RAP1GDS1: variants seen among roughly 807,000 people sequenced by gnomAD.
RAP1GDS1 encodes Rap1 GTPase-GDP dissociation stimulator 1.
In RAP1GDS1, 35 loss-of-function variants were observed where a neutral mutation model predicts 71.1. That is an observed-to-expected ratio of 0.49 (90% confidence interval 0.38 to 0.65). The LOEUF (loss-of-function observed/expected upper bound fraction) is 0.65. Among genes scored for constraint, RAP1GDS1 ranks in the 30% least tolerant of loss-of-function variants. RAP1GDS1 has a pLI of 0.00. For synonymous variants in RAP1GDS1, 229 were observed against 243.1 expected (o/e 0.94, Z 0.54); for missense variants, 663 against 706.1 (o/e 0.94, Z 0.69).
intron 6 of RAP1GDS1, among the ~76,000 whole-genome samples, chr4:98,393,166 T>C (rs1463402268): frequency 2.0e-5 from 3 of 152,352 alleles, no homozygotes; most frequent in Non-Finnish European, 2.9e-5. Flanking sequence ...CCACATTCTA[T>C]AAATAAAAGC....
chr4:98,342,889 ACTT>A (rs1247077217), intron 2 of RAP1GDS1, among the ~76,000 whole-genome samples: 3 of 152,206 alleles, frequency 2.0e-5, no homozygotes, highest in Admixed American at 6.5e-5. Context: ...TTCAGAAAGA[ACTT>A]CTTTATAGTC....
intron 4 of RAP1GDS1, among the ~76,000 whole-genome samples, chr4:98,363,851 G>GT (rs1739110606): frequency 2.0e-5 from 3 of 152,160 alleles, no homozygotes; most frequent in Admixed American, 2.0e-4. Context: ...CTTGGATTAA[G>GT]TTATGGTAGT....
At chr4:98,380,755 T>G (rs745541026) in intron 5 of RAP1GDS1, among the ~76,000 whole-genome samples, 2 of 151,792 alleles carry the variant, frequency 1.3e-5, no homozygotes, top group Non-Finnish European at 2.9e-5. Context: ...GCTTGGACAT[T>G]TGAGGAAGTA....
At chr4:98,392,171 T>C in intron 6 of RAP1GDS1, 91 bp downstream of exon 6, 1 of 1,215,600 alleles carries the variant, frequency 8.2e-7, no homozygotes. Flanking sequence ...TAGAAATCCA[T>C]TTAGATTGTA....
Position 98,442,523 on chromosome 4 carries a change from T to C in RAP1GDS1, c.*406T>C, listed in dbSNP as rs534692474. ...CTAGCTTATTAAAGATGAAACTGAA[T>C]TGGAAAAATAGCTCCATTTTTTGGT... is the stretch of plus-strand genomic sequence containing the variant. On this transcript the variant is annotated 3_prime_UTR_variant, in exon 15 of 15. Coordinates refer to ENST00000408927, the MANE Select transcript of RAP1GDS1 (RefSeq NM_001100427.2). 1 of 229,388 alleles carries C rather than the reference T, an allele frequency of 4.4e-6. No homozygotes were observed. Among genetic ancestry groups the C allele is most frequent in the South Asian group, 1.8e-4 (1 of 5,476 alleles). The allele number at this position is 229,388 out of a possible 1,614,324, so 14.2% of individuals were successfully genotyped here. A position where few individuals can be genotyped will look rare whatever the true frequency, so the allele number is the denominator to read the frequency against.
chr4:98,407,916 T>G (rs1746387761), intron 7 of RAP1GDS1, among the ~76,000 whole-genome samples: 1 of 152,084 alleles, frequency 6.6e-6, no homozygotes, highest in South Asian at 2.1e-4. Flanking sequence ...AAACATATAA[T>G]TACTACAGTT....
intron 2 of RAP1GDS1, among the ~76,000 whole-genome samples, chr4:98,296,379 T>C (rs1360585898): frequency 6.6e-6 from 1 of 152,108 alleles, no homozygotes; most frequent in Non-Finnish European, 1.5e-5. Flanking sequence ...TGTATGGCTT[T>C]AGAGTGGTTT....
intron 1 of RAP1GDS1, among the ~76,000 whole-genome samples, chr4:98,280,730 T>G (rs1453558827): frequency 6.6e-6 from 1 of 152,236 alleles, no homozygotes; most frequent in Non-Finnish European, 1.5e-5. Context: ...TTCTAGAGTT[T>G]TTATGGTTTT....
At chr4:98,320,267 A>G (rs1731613158) in intron 2 of RAP1GDS1, among the ~76,000 whole-genome samples, 1 of 152,164 alleles carries the variant, frequency 6.6e-6, no homozygotes, top group African/African-American at 2.4e-5. Context: ...AATCCAACAC[A>G]TATACTTACT....
At chr4:98,390,820 TG>T (rs1350721453) in intron 5 of RAP1GDS1, among the ~76,000 whole-genome samples, 2 of 152,180 alleles carry the variant, frequency 1.3e-5, no homozygotes, top group African/African-American at 4.8e-5. Flanking sequence ...AAGAAAGTTT[TG>T]TCTTTAGATT....
chr4:98,347,594 T>C (rs532749280), intron 3 of RAP1GDS1, among the ~76,000 whole-genome samples: 5 of 152,370 alleles, frequency 3.3e-5, no homozygotes, highest in African/African-American at 1.2e-4. Flanking sequence ...TCCTGCTTTC[T>C]ACAGCATAAT....
chr4:98,407,839 AT>A (rs1380408919), intron 7 of RAP1GDS1, among the ~76,000 whole-genome samples: 3 of 151,424 alleles, frequency 2.0e-5, no homozygotes, highest in South Asian at 4.2e-4. Context: ...TTTAAAAAAA[AT>A]AATAATAAGC....
intron 1 of RAP1GDS1, among the ~76,000 whole-genome samples, chr4:98,272,865 G>A (rs1476091577): frequency 1.3e-5 from 2 of 152,096 alleles, no homozygotes; most frequent in East Asian, 1.9e-4. Context: ...TTGTTGTTGC[G>A]TAGGATGAGA....
chr4:98,422,103 G>A (rs1207475009), intron 12 of RAP1GDS1, among the ~76,000 whole-genome samples: 1 of 151,954 alleles, frequency 6.6e-6, no homozygotes, highest in African/African-American at 2.4e-5. Context: ...GGGAGGCTGA[G>A]GCAGGAGAAT....
intron 10 of RAP1GDS1, 143 bp from the exon 11 acceptor site, chr4:98,419,876 A>G: frequency 2.2e-6 from 2 of 891,924 alleles, no homozygotes; most frequent in African/African-American, 3.4e-5. Context: ...CATTCTTAAA[A>G]TTGACAAAAA....
intron 12 of RAP1GDS1, among the ~76,000 whole-genome samples, chr4:98,425,837 A>G (rs1366410778): frequency 6.6e-6 from 1 of 152,190 alleles, no homozygotes; most frequent in Non-Finnish European, 1.5e-5. Flanking sequence ...GTCAACAAAG[A>G]AACAATGGAT....
rs145676237 is a variant in RAP1GDS1, at chr4:98,432,680, T to G, written c.1441-1256T>G. Among the ~76,000 whole-genome samples, 522 of 152,322 alleles carry G rather than the reference T, an allele frequency of 3.4e-3. 2 individuals carry two copies. The highest frequency in any genetic ancestry group is 0.012 in the African/African-American group (494 of 41,584). The stretch of plus-strand genomic sequence containing the variant: ...ACCCTTTAAAAATATTTTAGCAAAT[T>G]TGGAAAATATTTCCAACTACAATTA... On this transcript the variant is annotated intron_variant, in intron 12 of 14. Transcript: ENST00000408927.
chr4:98,407,133 A>G (rs1003074833), intron 7 of RAP1GDS1, among the ~76,000 whole-genome samples: 1 of 152,128 alleles, frequency 6.6e-6, no homozygotes. Context: ...TCACCTTCCA[A>G]TTTGTGTGAA....
intron 2 of RAP1GDS1, among the ~76,000 whole-genome samples, chr4:98,329,123 A>T (rs987597863): frequency 3.3e-5 from 5 of 152,234 alleles, no homozygotes; most frequent in Non-Finnish European, 7.3e-5. Context: ...TCTTGATAGA[A>T]AAACAATAGA....
Sources: allele counts gnomAD v4.1 joint callset (sites outside exome capture counted in the v4.1 genomes callset), GRCh38; gene constraint gnomAD v4.1.1; transcripts MANE v1.5; gene names NCBI Gene and HGNC (gene_info 2026-07-23, HGNC 2026-07-21).